TRIM27: variants seen among roughly 807,000 people sequenced by gnomAD.
The protein encoded by TRIM27 is zinc finger protein RFP.
In TRIM27, 12 loss-of-function variants were observed where a neutral mutation model predicts 57.6. That is an observed-to-expected ratio of 0.21 (90% CI 0.13 to 0.34). The LOEUF is 0.34. TRIM27 is among the 10% of genes least tolerant of loss of function. TRIM27 has a pLI of 1.00. For missense variants in TRIM27, 403 were observed against 656.8 expected (o/e 0.61, Z 4.22); for synonymous variants, 266 against 259.0 (o/e 1.03, Z -0.26).
At chr6:28,913,392 A>C (rs1300842883) in intron 3 of TRIM27, among the ~76,000 whole-genome samples, 2 of 151,642 alleles carry the variant, frequency 1.3e-5, no homozygotes, top group African/African-American at 2.4e-5. Context: ...TATTTCTTCT[A>C]TCAAACTGTA....
chr6:28,908,185 CT>C (rs1178766853), intron 6 of TRIM27: 1 of 155,068 alleles, frequency 6.4e-6, no homozygotes, highest in African/African-American at 2.4e-5. Context: ...AAATATAGGA[CT>C]TATTATGTGT....
At chr6:28,921,154 G>C (rs1413796165) in intron 2 of TRIM27, among the ~76,000 whole-genome samples, 5 of 152,176 alleles carry the variant, frequency 3.3e-5, no homozygotes. Context: ...GCTGAGGTGG[G>C]CGGATCACCT....
At position 28,920,130 on chromosome 6, in the gene TRIM27, G is replaced by A; in HGVS notation, c.629C>T (p.Ala210Val). Residue 210 changes from alanine (A) to valine (V), a missense_variant, in exon 3 of 8, where the codon GCC (alanine) becomes GTC (valine). By Grantham distance (64) the Ala-to-Val change is moderately conservative. Transcript: ENST00000377199. ...LLARLEELDLAIYNSINGAIT... is the reference protein window; with the variant it reads ...LLARLEELDLVIYNSINGAIT... Reference sequence around the variant, plus strand: ...GGCACCATTGATGCTATTGTAGATGGCCAAGTCTAGCTCCTCAAGGCGGGC... The same window carrying A: ...GGCACCATTGATGCTATTGTAGATGACCAAGTCTAGCTCCTCAAGGCGGGC... 6.2e-7 allele frequency: 1 copy of A among 1,614,200 alleles called. No homozygotes were observed. Among genetic ancestry groups the A allele is most frequent in the East Asian group, 2.2e-5 (1 of 44,878 alleles).
chr6:28,905,899 T>C (rs1404686778), intron 7 of TRIM27: 1 of 152,248 alleles, frequency 6.6e-6, no homozygotes, highest in Admixed American at 6.5e-5. Context: ...AGCATCTTGC[T>C]ATCATCAAGT....
chr6:28,919,162 C>T (rs898715709), intron 3 of TRIM27, among the ~76,000 whole-genome samples: 4 of 152,000 alleles, frequency 2.6e-5, no homozygotes, highest in South Asian at 2.1e-4. Flanking sequence ...ACAGGCACAC[C>T]GCCATGCCTG....
chr6:28,913,919 A>G (rs1238578629), intron 3 of TRIM27, among the ~76,000 whole-genome samples: 1 of 150,188 alleles, frequency 6.7e-6, no homozygotes, highest in African/African-American at 2.5e-5. Context: ...TTTTTCTTGT[A>G]CTAATACCAA....
chr6:28,904,669 T>A lies in TRIM27; in HGVS notation c.947-4A>T. ...TCTGGGTCCAGAGTCACGTCCACTG[T>A]AGAGACACAAGGAAGACAGTCAGCC... is the stretch of plus-strand genomic sequence containing the variant. On this transcript the variant is annotated splice_polypyrimidine_tract_variant and splice_region_variant and intron_variant, in intron 7 of 7. Coordinates refer to ENST00000377199, the MANE Select transcript of TRIM27 (RefSeq NM_006510.5). This position sits in a 1 kb window ranked among gnomAD's most constrained non-coding sequence, Gnocchi z 6.1. The A allele has an allele frequency of 6.3e-7, 1 of 1,591,668 alleles. No individual in the cohort carries two copies. The highest frequency in any genetic ancestry group is 8.5e-7 in the Non-Finnish European group (1 of 1,175,258).
At chr6:28,922,220 G>A (rs1328096431) in intron 1 of TRIM27, among the ~76,000 whole-genome samples, 5 of 152,258 alleles carry the variant, frequency 3.3e-5, no homozygotes, top group Admixed American at 2.6e-4. Context: ...CAGCTACCTC[G>A]TCAGGACTAT....
Position 28,906,954 on chromosome 6 carries a change from T to A in TRIM27, c.946+282A>T, listed in dbSNP as rs572346706. 9.2e-6 allele frequency: 4 copies of A among 434,860 alleles called. No homozygotes were observed. The East Asian group carries it at 1.6e-4, about 17-fold the overall frequency. The allele number at this position is 434,860 out of a possible 1,614,324, so 26.9% of individuals were successfully genotyped here. A position where few individuals can be genotyped will look rare whatever the true frequency, so the allele number is the denominator to read the frequency against. ...CAGAGCAGTGTACTAGTGTACCAGC[T>A]CTGTTCTACTTTTGGGGAACTGCGG... On this transcript the variant is annotated intron_variant, in intron 7 of 7. Coordinates refer to ENST00000377199, the MANE Select transcript of TRIM27 (RefSeq NM_006510.5).
At chr6:28,917,320 G>A (rs1166653080) in intron 3 of TRIM27, among the ~76,000 whole-genome samples, 10 of 152,132 alleles carry the variant, frequency 6.6e-5, no homozygotes, top group African/African-American at 2.4e-4. Context: ...GCTCGCACCT[G>A]TAATCCCAGC....
At chr6:28,921,846 G>A (rs756911590) in intron 2 of TRIM27, 46 bp downstream of exon 2, 20 of 1,426,108 alleles carry the variant, frequency 1.4e-5, no homozygotes, top group Middle Eastern at 2.0e-4. Context: ...CTCTACAGAA[G>A]AGGAGAGCAC....
chr6:28,904,856 G>C lies in TRIM27; in HGVS notation c.947-191C>G. ...GATTAGCTGGTTACCAGAATACTCT[G>C]AAAATACAGAATTTTAGCCCCGTAT... is the stretch of plus-strand genomic sequence containing the variant. On this transcript the variant is annotated intron_variant, in intron 7 of 7. Coordinates refer to ENST00000377199, the MANE Select transcript of TRIM27 (RefSeq NM_006510.5). This position sits in a 1 kb window ranked among gnomAD's most constrained non-coding sequence, Gnocchi z 6.1. 4 of 564,496 alleles carry C rather than the reference G, an allele frequency of 7.1e-6. No homozygotes were observed. The South Asian group carries it at 1.0e-4, about 15-fold the overall frequency. The allele number at this position is 564,496 out of a possible 1,614,324, so 35.0% of individuals were successfully genotyped here.
In TRIM27 at chr6:28,907,213, T is replaced by C. The variant is rs748021011; in HGVS notation, c.946+23A>G. 2.5e-6 allele frequency: 4 copies of C among 1,603,644 alleles called. No homozygotes were observed. In the African/African-American group the frequency reaches 4.0e-5, roughly 16 times the overall value. ...AGGATTTTTACTCCTTACCCTAATA[T>C]GGTTTTGTCTCTCATCACCTACCTG... On this transcript the variant is annotated intron_variant, in intron 7 of 7. Transcript: ENST00000377199.
At chr6:28,907,181 G>A (rs1772829301) in intron 7 of TRIM27, 55 bp downstream of exon 7, 4 of 1,522,728 alleles carry the variant, frequency 2.6e-6, no homozygotes, top group Non-Finnish European at 3.6e-6. Flanking sequence ...TAGTAGTTAG[G>A]TTCACAAGGA....
intron 4 of TRIM27, among the ~76,000 whole-genome samples, chr6:28,910,323 C>T (rs1324058688): frequency 8.1e-6 from 1 of 123,532 alleles, no homozygotes; most frequent in Non-Finnish European, 1.6e-5. Context: ...CCTACCTGCA[C>T]ATTTCTTACT....
chr6:28,911,582 G>A (rs1028381078), intron 4 of TRIM27, 114 bp downstream of exon 4: 2 of 1,047,992 alleles, frequency 1.9e-6, no homozygotes, highest in Non-Finnish European at 2.9e-6. Context: ...AGGGATATGT[G>A]TCAATTTGAT....
At chr6:28,908,634 T>A in intron 6 of TRIM27, 174 bp downstream of exon 6, 1 of 594,318 alleles carries the variant, frequency 1.7e-6, no homozygotes, top group African/African-American at 1.9e-5. Flanking sequence ...AACTTCAAAT[T>A]AGAACAAGAA....
chr6:28,905,707 CTT>C (rs1272440986), intron 7 of TRIM27: 1 of 152,156 alleles, frequency 6.6e-6, no homozygotes, highest in African/African-American at 2.4e-5. Context: ...CCAAATCACT[CTT>C]TTATCCATTC....
intron 7 of TRIM27, 112 bp downstream of exon 7, chr6:28,907,124 T>C (rs1772825458): frequency 9.8e-7 from 1 of 1,018,984 alleles, no homozygotes; most frequent in Non-Finnish European, 1.5e-6. Context: ...TCTTTATACA[T>C]GTAACCAAAA....
Sources: allele counts gnomAD v4.1 joint callset (sites outside exome capture counted in the v4.1 genomes callset), GRCh38; gene constraint gnomAD v4.1.1; non-coding constraint Gnocchi (gnomAD v3.1); transcripts MANE v1.5; gene names NCBI Gene and HGNC (gene_info 2026-07-23, HGNC 2026-07-21).